Variants in COL7A1 observed in about 807,000 individuals in gnomAD.
The protein encoded by COL7A1 is collagen type VII alpha 1 chain.
Under a neutral mutation model 456.2 loss-of-function variants are expected in COL7A1, and 296 were observed. The observed-to-expected ratio is 0.65, with a 90% CI of 0.59 to 0.71. COL7A1 has a LOEUF of 0.71. COL7A1 is among the 30% of genes least tolerant of loss of function. The pLI, the probability that COL7A1 is intolerant of heterozygous loss-of-function variation, is 0.00. For synonymous variants in COL7A1, 1,464 were observed against 1,525.9 expected (o/e 0.96, Z 0.95); for missense variants, 3,441 against 4,017.2 (o/e 0.86, Z 3.88).
rs2043981198 is a variant in COL7A1, at chr3:48,572,308, C to G, written c.6978+72G>C. 6.2e-7 allele frequency: 1 copy of G among 1,613,230 alleles called. No individual in the cohort carries two copies. The highest frequency in any genetic ancestry group is 1.1e-5 in the South Asian group (1 of 91,050). Reference sequence around the variant, plus strand: ...TCATGAGGGTGGGTAAACTATGGGTCGAAGGTCAGAAGTTAGGCCACTGGA... The same window carrying G: ...TCATGAGGGTGGGTAAACTATGGGTGGAAGGTCAGAAGTTAGGCCACTGGA... On this transcript the variant is annotated intron_variant, in intron 90 of 118. Transcript: ENST00000681320. The surrounding 1 kb of genome is among the most constrained non-coding windows in gnomAD (Gnocchi z 4.6).
rs1286000696 is a variant in COL7A1 at position 48,593,885 on chromosome 3, C to G, written c.267-189G>C. On this transcript the variant is annotated intron_variant, in intron 3 of 118. Transcript: ENST00000681320. The surrounding 1 kb of genome is among the most constrained non-coding windows in gnomAD (Gnocchi z 4.4). The stretch of plus-strand genomic sequence containing the variant: ...CAAACTCCCCAGGGGCTCCTTTGTG[C>G]ACCATCTGCAGGTGGGCCTGGGCAG... Among the ~76,000 whole-genome samples the G allele has an allele frequency of 6.6e-6, 1 of 152,212 alleles. No individual in the cohort carries two copies. Among genetic ancestry groups the G allele is most frequent in the Non-Finnish European group, 1.5e-5 (1 of 68,024 alleles).
At position 48,585,908 on chromosome 3, in the gene COL7A1, C is replaced by CCTCT. The variant is rs759864990; in HGVS notation, c.3759+28_3759+31dup. 9.2e-5 allele frequency: 148 copies of CCTCT among 1,614,016 alleles called. No homozygotes were observed. The highest frequency in any genetic ancestry group is 1.2e-4 in the Non-Finnish European group (146 of 1,180,034). On this transcript the variant is annotated intron_variant, in intron 29 of 118. Transcript: ENST00000681320. This position sits in a 1 kb window ranked among gnomAD's most constrained non-coding sequence, Gnocchi z 4.5. ...TCAGAGTGGCTAGCCCCAGGTGCAG[C>CCTCT]CTCTGTTCACCTCTCGATGAGGGAC...
chr3:48,589,454 CTG>C lies in COL7A1; in HGVS notation c.2185_2186del (p.Gln729ValfsTer10). ...CCACCGTGGCCTCCCCAGAAACCAA[CTG>C]GGATTTCTCTGGGCCTGGGAACAGG... ...WHSAHGPEKS[Q>X]LVSGEATVAE... On this transcript the variant is annotated frameshift_variant, in exon 18 of 119. Transcript: ENST00000681320. LOFTEE classifies it high-confidence loss of function. 1 of 1,613,770 alleles carries C rather than the reference CTG, an allele frequency of 6.2e-7. No individual in the cohort carries two copies. Among genetic ancestry groups the C allele is most frequent in the Non-Finnish European group, 8.5e-7 (1 of 1,180,022 alleles).
At position 48,568,427 on chromosome 3, in the gene COL7A1, A is replaced by G. The variant is rs2043706602; in HGVS notation, c.7794+72T>C. 2.0e-6 allele frequency: 3 copies of G among 1,464,192 alleles called. No individual in the cohort carries two copies. The highest frequency in any genetic ancestry group is 1.9e-5 in the Admixed American group (1 of 52,944). The allele number at this position is 1,464,192 out of a possible 1,614,324, so 90.7% of individuals were successfully genotyped here. On this transcript the variant is annotated intron_variant, in intron 105 of 118. Transcript: ENST00000681320. This position sits in a 1 kb window ranked among gnomAD's most constrained non-coding sequence, Gnocchi z 5.2. ...TCACTATAAGGTCAAAAGCTACCACACTGGTGGGACCACCATGGTGACGGG... is the reference window on the plus strand; with the variant it reads ...TCACTATAAGGTCAAAAGCTACCACGCTGGTGGGACCACCATGGTGACGGG...
In COL7A1 at chr3:48,566,274, C is replaced by T; in HGVS notation, c.8400G>A (p.Gln2800=). 1 of 1,600,996 alleles carries T rather than the reference C, an allele frequency of 6.2e-7. No homozygotes were observed. Among genetic ancestry groups the T allele is most frequent in the Admixed American group, 1.8e-5 (1 of 57,132 alleles). ...GGGCTGGGCACCACTCACCACAGTG[C>T]TGACTCATCTCTTGGCGCACAAAGC... ...IRGFVRQEMS[Q]HCACQGQFIA... is the part of the protein sequence containing the mutation. The change falls in exon 114 of 119, where the codon CAG becomes CAA. Residue 2800 remains glutamine, a synonymous_variant. Coordinates refer to ENST00000681320, the MANE Select transcript of COL7A1 (RefSeq NM_000094.4). The surrounding 1 kb of genome is among the most constrained non-coding windows in gnomAD (Gnocchi z 5.9).
intron 47 of COL7A1, 114 bp from the exon 48 acceptor site, chr3:48,582,057 C>T: frequency 6.8e-7 from 1 of 1,463,670 alleles, no homozygotes; most frequent in East Asian, 2.3e-5. Context: ...AGTCCCCGCC[C>T]AGAAGTCACA....
Position 48,567,578 on chromosome 3 carries a change from G to C in COL7A1, c.8042C>G (p.Pro2681Arg), listed in dbSNP as rs753443085. The stretch of plus-strand genomic sequence containing the variant: ...CACTGTCCACAGACCCTGTACCTTG[G>C]GACCGATCAGGCCCTCCTTGCCAGG... ...GAPGKEGLIG[P>R]KGDRGFDGQP... Residue 2681 changes from proline (P) to arginine (R), a missense_variant, in exon 109 of 119, where the codon CCC becomes CGC. Physicochemically the swap from Pro to Arg is moderately radical, Grantham distance 103. Transcript: ENST00000681320. This position sits in a 1 kb window ranked among gnomAD's most constrained non-coding sequence, Gnocchi z 4.3. 8 of 1,613,978 alleles carry C rather than the reference G, an allele frequency of 5.0e-6. No homozygotes were observed. In the African/African-American group the frequency reaches 1.1e-4, roughly 22 times the overall value.
In COL7A1 at chr3:48,589,446, G is replaced by A. The variant is rs960059732; in HGVS notation, c.2195C>T (p.Ser732Phe). The part of the protein sequence containing the change: ...AHGPEKSQLV[S>F]GEATVAELDG... ...CAGCTCAGCCACCGTGGCCTCCCCA[G>A]AAACCAACTGGGATTTCTCTGGGCC... Residue 732 changes from serine to phenylalanine, a missense_variant, in exon 18 of 119, where the codon TCT (serine) becomes TTT (phenylalanine). Coordinates refer to ENST00000681320, the MANE Select transcript of COL7A1 (RefSeq NM_000094.4). The A allele has an allele frequency of 6.2e-7, 1 of 1,613,594 alleles. No individual in the cohort carries two copies. Among genetic ancestry groups the A allele is most frequent in the African/African-American group, 1.3e-5 (1 of 74,874 alleles).
Position 48,579,312 on chromosome 3 carries a change from C to G in COL7A1, c.5308-35G>C. ...ATAGAGTGGTAAGAGGCCACCAAGG[C>G]TGAGGTGGATCTGATAACCCAGGCT... On this transcript the variant is annotated intron_variant, in intron 61 of 118. Transcript: ENST00000681320. This position sits in a 1 kb window ranked among gnomAD's most constrained non-coding sequence, Gnocchi z 4.4. 6.2e-7 allele frequency: 1 copy of G among 1,614,180 alleles called. No individual in the cohort carries two copies. The highest frequency in any genetic ancestry group is 2.2e-5 in the East Asian group (1 of 44,880).
In COL7A1 at chr3:48,567,466, T is replaced by A. The variant is rs2043657315; in HGVS notation, c.8046+108A>T. ...ACCAGCCCCACTTCAGCCCCCAAAG[T>A]CCCAACCCTCTACAGCCTTCCTTGT... On this transcript the variant is annotated intron_variant, in intron 109 of 118. Transcript: ENST00000681320. This position sits in a 1 kb window ranked among gnomAD's most constrained non-coding sequence, Gnocchi z 4.3. 4 of 1,497,690 alleles carry A rather than the reference T, an allele frequency of 2.7e-6. No individual in the cohort carries two copies. The highest frequency in any genetic ancestry group is 3.7e-6 in the Non-Finnish European group (4 of 1,078,696). 92.8% of individuals were successfully genotyped at this position (1,497,690 alleles called of 1,614,324 possible). A position where few individuals can be genotyped will look rare whatever the true frequency, so the allele number is the denominator to read the frequency against.
In COL7A1 at chr3:48,589,003, C is replaced by A. The variant is rs760773288; in HGVS notation, c.2315-8G>T. 5.0e-6 allele frequency: 8 copies of A among 1,613,300 alleles called. No individual in the cohort carries two copies. In the South Asian group the frequency reaches 8.8e-5, roughly 18 times the overall value. On this transcript the variant is annotated splice_polypyrimidine_tract_variant and splice_region_variant and intron_variant, in intron 18 of 118. Coordinates refer to ENST00000681320, the MANE Select transcript of COL7A1 (RefSeq NM_000094.4). ...GACCCACAGGCTCAGGGGCTGGGGA[C>A]AGAGGCAAGGTAAGGGGTCCTGGTA...
chr3:48,588,506 C>G lies in COL7A1; in HGVS notation c.2588-102G>C. 6.3e-7 allele frequency: 1 copy of G among 1,597,468 alleles called. No homozygotes were observed. ...CGCACCCCGCCCAGCCTCTCAGACCCCTCTCCCTCCTCTCAGACCCTGCCC... is the reference window on the plus strand; with the variant it reads ...CGCACCCCGCCCAGCCTCTCAGACCGCTCTCCCTCCTCTCAGACCCTGCCC... On this transcript the variant is annotated intron_variant, in intron 20 of 118. Transcript: ENST00000681320. The surrounding 1 kb of genome is among the most constrained non-coding windows in gnomAD (Gnocchi z 4.6).
rs779304674 is a variant in COL7A1 at position 48,570,648 on chromosome 3, C to A, written c.7335G>T (p.Pro2445=). 1 of 1,601,026 alleles carries A rather than the reference C, an allele frequency of 6.2e-7. No individual in the cohort carries two copies. Among genetic ancestry groups the A allele is most frequent in the Admixed American group, 1.7e-5 (1 of 58,422 alleles). The part of the protein sequence containing the change: ...IPGPLGPPGP[P]GSVGPPGASG... ...GGGCACCTCTACTCACCACTGACCC[C>A]GGTGGTCCAGGTGGCCCCAGGGGTC... is the stretch of plus-strand genomic sequence containing the variant. The change falls in exon 96 of 119, where the codon CCG becomes CCT. Residue 2445 remains proline, a synonymous_variant. Transcript: ENST00000681320. This position sits in a 1 kb window ranked among gnomAD's most constrained non-coding sequence, Gnocchi z 5.5.
At position 48,585,157 on chromosome 3, in the gene COL7A1, C is replaced by T. The variant is rs778205818; in HGVS notation, c.3895-41G>A. Reference sequence around the variant, plus strand: ...GGTCAGGACAGGAAGGGACCCTCCCCCAAGGCCCCTGGTTTGCTGGAGGGG... The same window carrying T: ...GGTCAGGACAGGAAGGGACCCTCCCTCAAGGCCCCTGGTTTGCTGGAGGGG... On this transcript the variant is annotated intron_variant, in intron 32 of 118. Coordinates refer to ENST00000681320, the MANE Select transcript of COL7A1 (RefSeq NM_000094.4). The surrounding 1 kb of genome is among the most constrained non-coding windows in gnomAD (Gnocchi z 4.5). 1.2e-5 allele frequency: 19 copies of T among 1,598,906 alleles called. No individual in the cohort carries two copies. The highest frequency in any genetic ancestry group is 2.2e-4 in the Middle Eastern group (1 of 4,502).
At chr3:48,576,843 A>G (rs2044344255) in intron 67 of COL7A1, 41 bp downstream of exon 67, 1 of 1,613,872 alleles carries the variant, frequency 6.2e-7, no homozygotes, top group Non-Finnish European at 8.5e-7. Context: ...CCCCAGGGTC[A>G]GGGTCAGGGG....
At position 48,594,749 on chromosome 3, in the gene COL7A1, G is replaced by T. The variant is rs1165260276; in HGVS notation, c.86-201C>A. 6.6e-6 allele frequency among the ~76,000 whole-genome samples: 1 copy of T among 152,196 alleles called. No individual in the cohort carries two copies. The highest frequency in any genetic ancestry group is 1.9e-4 in the East Asian group (1 of 5,170). The stretch of plus-strand genomic sequence containing the variant: ...AGAGCAGACTCCCGCGGAGGGTTGG[G>T]GGTGTGCGGGGGAGGGAGAGTCGCC... On this transcript the variant is annotated intron_variant, in intron 2 of 118. Coordinates refer to ENST00000681320, the MANE Select transcript of COL7A1 (RefSeq NM_000094.4). The surrounding 1 kb of genome is among the most constrained non-coding windows in gnomAD (Gnocchi z 5.5).
chr3:48,586,691 TG>T lies in COL7A1; in HGVS notation c.3277-3del. ...ATGACTGTAAGACAGCAGGCCAACC[TG>T]GGGTGGAAGGAAACACAGAGCCTGA... On this transcript the variant is annotated splice_polypyrimidine_tract_variant and splice_region_variant and intron_variant, in intron 25 of 118. Coordinates refer to ENST00000681320, the MANE Select transcript of COL7A1 (RefSeq NM_000094.4). This position sits in a 1 kb window ranked among gnomAD's most constrained non-coding sequence, Gnocchi z 5.1. 1 of 1,579,600 alleles carries T rather than the reference TG, an allele frequency of 6.3e-7. No individual in the cohort carries two copies. Among genetic ancestry groups the T allele is most frequent in the East Asian group, 2.3e-5 (1 of 43,144 alleles).
rs1304433976 is a variant in COL7A1 at position 48,572,653 on chromosome 3, G to C, written c.6900+18C>G. ...AGAGGAGTTGCTGCAGGGGGTGGAAGTCAGGGTCAAAGATCACCTGTCCAG... is the reference window on the plus strand; with the variant it reads ...AGAGGAGTTGCTGCAGGGGGTGGAACTCAGGGTCAAAGATCACCTGTCCAG... On this transcript the variant is annotated intron_variant, in intron 88 of 118. Transcript: ENST00000681320. The surrounding 1 kb of genome is among the most constrained non-coding windows in gnomAD (Gnocchi z 4.6). 9 of 1,603,596 alleles carry C rather than the reference G, an allele frequency of 5.6e-6. No homozygotes were observed. The highest frequency in any genetic ancestry group is 7.7e-6 in the Non-Finnish European group (9 of 1,175,118).
rs1026364005 is a variant in COL7A1 at position 48,576,253 on chromosome 3, A to G, written c.5816T>C (p.Val1939Ala). ...GACATCCCAAGCCTGGCTCACCGGC[A>G]CACTTCCAGGCTCTCCTCGCAGGCC... is the stretch of plus-strand genomic sequence containing the variant. ...ERGLRGEPGS[V>A]PNVDRLLETA... Residue 1939 changes from valine (V) to alanine (A), a missense_variant, in exon 71 of 119, where the codon GTG (valine) becomes GCG (alanine). Coordinates refer to ENST00000681320, the MANE Select transcript of COL7A1 (RefSeq NM_000094.4). The G allele has an allele frequency of 6.2e-7, 1 of 1,613,734 alleles. No homozygotes were observed. Among genetic ancestry groups the G allele is most frequent in the Non-Finnish European group, 8.5e-7 (1 of 1,180,012 alleles).
Sources: gnomAD v4.1 joint callset for allele counts (sites outside exome capture counted in the v4.1 genomes callset) on GRCh38, gnomAD v4.1.1 for gene constraint, Gnocchi (gnomAD v3.1) non-coding constraint, MANE v1.5 for transcripts, NCBI Gene and HGNC (gene_info 2026-07-23, HGNC 2026-07-21) for gene names.